FBXL13: variants seen among roughly 807,000 people sequenced by gnomAD.
The protein encoded by FBXL13 is F-box and leucine rich repeat protein 13, also known as F-box and leucine-rich repeat protein 13.
In FBXL13, 67 loss-of-function variants were observed where a neutral mutation model predicts 83.6. The ratio of observed to expected loss-of-function variants is 0.80; its 90% confidence interval spans 0.66 to 0.98. The LOEUF (loss-of-function observed/expected upper bound fraction) is 0.98, where lower values mean the gene tolerates loss of function less well. FBXL13 is among the 50% of genes least tolerant of loss of function. The pLI, the probability that FBXL13 is intolerant of heterozygous loss-of-function variation, is 0.00. For synonymous variants in FBXL13, 272 were observed against 299.5 expected, an observed-to-expected ratio of 0.91 and a Z score of 0.95; for missense variants, 822 against 866.5, an observed-to-expected ratio of 0.95 and a Z score of 0.64.
At chr7:103,028,829 G>T (rs1330199663) in intron 3 of FBXL13, 81 bp from the exon 5 acceptor site, 1 of 1,181,978 alleles carries the variant, frequency 8.5e-7, no homozygotes, top group African/African-American at 1.6e-5. Context: ...GGAGAACAAA[G>T]AATGATATCT....
downstream of FBXL13, among the ~76,000 whole-genome samples, chr7:102,812,982 A>G (rs567314712): frequency 1.3e-5 from 2 of 151,590 alleles, no homozygotes; most frequent in African/African-American, 4.8e-5. Flanking sequence ...AGCTGGGATT[A>G]CAGGCGCCCA....
chr7:102,836,474 C>T (rs138311624), intron 17 of FBXL13, among the ~76,000 whole-genome samples: 5 of 152,324 alleles, frequency 3.3e-5, no homozygotes, highest in African/African-American at 1.2e-4. Context: ...ACTTCTGGCT[C>T]CAATGCTGCA....
At chr7:103,048,839 C>T (rs1796537055) in intron 2 of FBXL13, among the ~76,000 whole-genome samples, 1 of 152,064 alleles carries the variant, frequency 6.6e-6, no homozygotes, top group African/African-American at 2.4e-5. Flanking sequence ...AATCCTTTAA[C>T]CCATTAAACT....
At chr7:102,961,982 A>G (rs1367192365) in intron 8 of FBXL13, among the ~76,000 whole-genome samples, 2 of 149,992 alleles carry the variant, frequency 1.3e-5, no homozygotes, top group Non-Finnish European at 3.0e-5. Flanking sequence ...CAAAATTGAC[A>G]AATGGGATCT....
chr7:102,963,006 T>A (rs201218105), intron 8 of FBXL13, among the ~76,000 whole-genome samples: 37 of 48,510 alleles, frequency 7.6e-4, no homozygotes, highest in South Asian at 2.2e-3. Context: ...TATATATATA[T>A]AAAAAAAAAA....
intron 17 of FBXL13, among the ~76,000 whole-genome samples, chr7:102,845,226 C>T (rs1000397046): frequency 6.6e-6 from 1 of 152,134 alleles, no homozygotes; most frequent in Non-Finnish European, 1.5e-5. Context: ...GACCAGCCCC[C>T]AACCAAGAAC....
chr7:102,984,392 G>T (rs1828687517), intron 6 of FBXL13, among the ~76,000 whole-genome samples: 1 of 152,012 alleles, frequency 6.6e-6, no homozygotes, highest in South Asian at 2.1e-4. Context: ...CCATCCATTA[G>T]ATATATATTG....
intron 14 of FBXL13, 66 bp from the exon 16 acceptor site, chr7:102,878,516 T>A: frequency 9.3e-7 from 1 of 1,073,178 alleles, no homozygotes; most frequent in Non-Finnish European, 1.3e-6. Context: ...AGTATTAAAG[T>A]AATAGCTACC....
intron 1 of FBXL13, among the ~76,000 whole-genome samples, chr7:103,068,603 C>CT (rs1489051122): frequency 1.3e-5 from 2 of 152,156 alleles, no homozygotes; most frequent in Non-Finnish European, 1.5e-5. Flanking sequence ...TGCACAGCTG[C>CT]TTTTTTTCCC....
chr7:102,834,774 G>T (rs1007475811), intron 17 of FBXL13: 1 of 151,820 alleles, frequency 6.6e-6, no homozygotes, highest in Non-Finnish European at 1.5e-5. Flanking sequence ...ACGATGTATT[G>T]TATACTTGAA....
intron 17 of FBXL13, among the ~76,000 whole-genome samples, chr7:102,849,543 A>G (rs1804800045): frequency 1.3e-5 from 2 of 152,214 alleles, no homozygotes; most frequent in Non-Finnish European, 2.9e-5. Flanking sequence ...TCCTATAGTT[A>G]CCTTATCTAA....
chr7:103,034,574 C>T (rs1794883103), intron 2 of FBXL13, among the ~76,000 whole-genome samples: 2 of 152,258 alleles, frequency 1.3e-5, no homozygotes, highest in African/African-American at 2.4e-5. Flanking sequence ...AGTTCCCACC[C>T]ACGCCTTTCC....
intron 1 of FBXL13, among the ~76,000 whole-genome samples, chr7:103,058,902 C>A (rs1268693229): frequency 6.6e-6 from 1 of 152,146 alleles, no homozygotes; most frequent in Non-Finnish European, 1.5e-5. Context: ...GAGGATAAGT[C>A]TCTGAAATGC....
At chr7:102,812,835 GGCT>G (rs1183389160), downstream of FBXL13, among the ~76,000 whole-genome samples, 1 of 148,796 alleles carries the variant, frequency 6.7e-6, no homozygotes, top group East Asian at 2.0e-4. Context: ...TACTTGATTT[GGCT>G]TCTTTTTTTT....
rs776181779 is a variant in FBXL13 at position 103,028,623 on chromosome 7, T to A, written c.194A>T (p.Glu65Val). 8 of 1,583,522 alleles carry A rather than the reference T, an allele frequency of 5.1e-6. No individual in the cohort carries two copies. In the Admixed American group the frequency reaches 7.3e-5, roughly 14 times the overall value. ...ACTTTTAAGTTTTTCTTTCTGGTCT[T>A]CCATATAAGAGTGCCAGTGATGAAA... is the stretch of plus-strand genomic sequence containing the variant. Residue 65 changes from glutamate (E) to valine (V), a missense_variant, in exon 4 of 20, where the codon GAA becomes GTA. By Grantham distance (121) the Glu-to-Val change is moderately radical. Transcript: ENST00000313221.
chr7:102,828,556 T>C (rs1221622759), intron 18 of FBXL13, among the ~76,000 whole-genome samples: 3 of 152,322 alleles, frequency 2.0e-5, no homozygotes, highest in Non-Finnish European at 4.4e-5. Context: ...GTCTGTAGAA[T>C]TGGGATGAAG....
At chr7:102,908,805 C>T (rs894191611) in intron 11 of FBXL13, among the ~76,000 whole-genome samples, 2 of 152,246 alleles carry the variant, frequency 1.3e-5, no homozygotes, top group African/African-American at 4.8e-5. Flanking sequence ...GAAACAAGCA[C>T]CCCTGTGGCC....
intron 16 of FBXL13, among the ~76,000 whole-genome samples, chr7:102,868,961 C>T (rs1808148132): frequency 6.6e-6 from 1 of 152,154 alleles, no homozygotes; most frequent in South Asian, 2.1e-4. Flanking sequence ...AACCTCTGTG[C>T]CTGGCTTGAT....
Position 102,926,263 on chromosome 7 carries a change from A to C in FBXL13, c.878+11T>G. 1 of 1,610,752 alleles carries C rather than the reference A, an allele frequency of 6.2e-7. No homozygotes were observed. Among genetic ancestry groups the C allele is most frequent in the Admixed American group, 1.7e-5 (1 of 59,580 alleles). On this transcript the variant is annotated intron_variant, in intron 10 of 19. Transcript: ENST00000313221. ...TTTTTTTCAGTGTCATACAAATAAC[A>C]CAAACATTACCTCGGCAGGAGTCGC...
Sources: gnomAD v4.1 joint callset for allele counts (sites outside exome capture counted in the v4.1 genomes callset) on GRCh38, gnomAD v4.1.1 for gene constraint, MANE v1.5 for transcripts, NCBI Gene and HGNC (gene_info 2026-07-23, HGNC 2026-07-21) for gene names.